The following NDUFAF6 variants were observed in gnomAD, a reference collection of about 807,000 sequenced individuals.
NDUFAF6 encodes the protein NADH:ubiquinone oxidoreductase complex assembly factor 6.
A neutral mutation model predicts 40.8 loss-of-function variants in NDUFAF6; 45 were observed. That is an observed-to-expected ratio of 1.10 (90% CI 0.87 to 1.42). NDUFAF6 has a LOEUF of 1.42. Among genes scored for constraint, NDUFAF6 ranks in the 40% most tolerant of loss-of-function variants. NDUFAF6 has a pLI of 0.00. For synonymous variants in NDUFAF6, 185 were observed against 155.9 expected, an observed-to-expected ratio of 1.19 and a Z score of -1.39; for missense variants, 435 against 418.5, an observed-to-expected ratio of 1.04 and a Z score of -0.34.
chr8:94,943,945 TG>T (rs1227591209), intron 1 of NDUFAF6, among the ~76,000 whole-genome samples: 2 of 152,102 alleles, frequency 1.3e-5, no homozygotes, highest in East Asian at 3.8e-4. Context: ...AGAAGAAAAG[TG>T]TAGTTTGTTT....
At chr8:95,011,468 G>A (rs951087019) in intron 2 of NDUFAF6, among the ~76,000 whole-genome samples, 3 of 152,174 alleles carry the variant, frequency 2.0e-5, no homozygotes, top group African/African-American at 4.8e-5. Flanking sequence ...CTTGCTTTAA[G>A]TGGCACTTTC....
chr8:95,050,486 C>G (rs1341058181), intron 7 of NDUFAF6, among the ~76,000 whole-genome samples: 1 of 152,204 alleles, frequency 6.6e-6, no homozygotes, highest in Non-Finnish European at 1.5e-5. Context: ...ATCATGTAAT[C>G]TTAACCTCTC....
chr8:94,941,495 T>G (rs1213576812), intron 1 of NDUFAF6, among the ~76,000 whole-genome samples: 1 of 152,212 alleles, frequency 6.6e-6, no homozygotes, highest in African/African-American at 2.4e-5. Flanking sequence ...TGCCAGGCCC[T>G]CATCCTCCTC....
chr8:94,905,696 T>C (rs1161303611), intron 1 of NDUFAF6, among the ~76,000 whole-genome samples: 1 of 152,208 alleles, frequency 6.6e-6, no homozygotes, highest in African/African-American at 2.4e-5. Flanking sequence ...CTTCCTCTCC[T>C]AGTGTTCTTG....
At chr8:94,919,306 C>T (rs972271601) in intron 1 of NDUFAF6, among the ~76,000 whole-genome samples, 12 of 152,114 alleles carry the variant, frequency 7.9e-5, no homozygotes, top group African/African-American at 2.2e-4. Context: ...CTCAGCCTCC[C>T]GAGTAGCTGG....
In NDUFAF6 at chr8:94,933,844, G is replaced by GGT. The variant is rs1426313180; in HGVS notation, c.-935-11638_-935-11637insTG. Among the ~76,000 whole-genome samples, 20 of 148,106 alleles carry GGT rather than the reference G, an allele frequency of 1.4e-4. 3 individuals are homozygous for GGT. Among genetic ancestry groups the GGT allele is most frequent in the South Asian group, 4.4e-4 (2 of 4,596 alleles). On this transcript the variant is annotated intron_variant, in intron 1 of 14. Transcript: ENST00000396113. ...AATCCCAGCACTTTGTGGGGGGGGG[G>GGT]GGAGGATCACGAGGTCAGGAGTTCA... is the stretch of plus-strand genomic sequence containing the variant.
intron 2 of NDUFAF6, among the ~76,000 whole-genome samples, chr8:95,082,629 CTTTTTGTT>C (rs1808907413): frequency 1.3e-5 from 2 of 151,654 alleles, no homozygotes; most frequent in Admixed American, 6.6e-5. Flanking sequence ...CCTTAGCATT[CTTTTTGTT>C]TGTTTGTTTG....
rs115625603 is a variant in NDUFAF6 at position 95,039,924 on chromosome 8, C to T, written c.421-1646C>T. Among the ~76,000 whole-genome samples the T allele has an allele frequency of 5.8e-3, 883 of 152,292 alleles. 4 individuals are homozygous for T. Among genetic ancestry groups the T allele is most frequent in the African/African-American group, 0.02 (825 of 41,540 alleles). On this transcript the variant is annotated intron_variant, in intron 3 of 8. Coordinates refer to ENST00000396124, the MANE Select transcript of NDUFAF6 (RefSeq NM_152416.4). Reference sequence around the variant, plus strand: ...GATTATAGGCGTGAGTCACTGTGCCCGGCCAGAACAGTTACTGGCTTTAGT... The same window carrying T: ...GATTATAGGCGTGAGTCACTGTGCCTGGCCAGAACAGTTACTGGCTTTAGT...
upstream of NDUFAF6, among the ~76,000 whole-genome samples, chr8:95,096,424 C>G (rs1032459467): frequency 6.6e-6 from 1 of 152,176 alleles, no homozygotes; most frequent in Non-Finnish European, 1.5e-5. Flanking sequence ...TCTGAAAGCA[C>G]CTTCGGGTTT....
At chr8:94,987,448 C>G (rs543378096) in intron 2 of NDUFAF6, among the ~76,000 whole-genome samples, 1 of 152,282 alleles carries the variant, frequency 6.6e-6, no homozygotes, top group South Asian at 2.1e-4. Context: ...GCTCCTTCCC[C>G]CAAAGAGGTC....
intron 1 of NDUFAF6, among the ~76,000 whole-genome samples, chr8:94,920,794 C>T (rs1317253512): frequency 2.0e-5 from 3 of 152,224 alleles, no homozygotes; most frequent in Admixed American, 6.5e-5. Context: ...ATGAGCATCC[C>T]GCAGCTGCCT....
intron 2 of NDUFAF6, among the ~76,000 whole-genome samples, chr8:94,984,764 C>T (rs1825697059): frequency 1.3e-5 from 2 of 152,242 alleles, no homozygotes; most frequent in South Asian, 4.2e-4. Flanking sequence ...ACTTCATGTA[C>T]ACGGATGGGA....
In NDUFAF6 at chr8:95,038,987, T is replaced by G. The variant is rs1429332101; in HGVS notation, c.421-2583T>G. Reference sequence around the variant, plus strand: ...CCTGGCCTATTTTTTGTGTTTGTTTTTTTTTTTGAGACAGGGTGTTGCTCT... The same window carrying G: ...CCTGGCCTATTTTTTGTGTTTGTTTGTTTTTTTGAGACAGGGTGTTGCTCT... On this transcript the variant is annotated intron_variant, in intron 3 of 8. Transcript: ENST00000396124. 2.0e-5 allele frequency among the ~76,000 whole-genome samples: 3 copies of G among 151,468 alleles called. No individual in the cohort carries two copies. The East Asian group carries it at 5.9e-4, about 30-fold the overall frequency.
rs560186696 is a variant in NDUFAF6, at chr8:95,041,637, A to G, written c.477+11A>G. The G allele has an allele frequency of 4.7e-5, 75 of 1,607,530 alleles. No individual in the cohort carries two copies. The highest frequency in any genetic ancestry group is 5.9e-5 in the Non-Finnish European group (69 of 1,174,236). ...ATCGTCGATGAAAGAGTGAGTCAAA[A>G]TTGTTCAAGTCTTAAGTTTTTTCTT... is the stretch of plus-strand genomic sequence containing the variant. On this transcript the variant is annotated intron_variant, in intron 4 of 8. Transcript: ENST00000396124.
intron 2 of NDUFAF6, among the ~76,000 whole-genome samples, chr8:95,081,386 T>C (rs1587250052): frequency 6.6e-6 from 1 of 151,866 alleles, no homozygotes; most frequent in African/African-American, 2.4e-5. Context: ...GCCAGGCTGG[T>C]CCCTAAGTCC....
intron 1 of NDUFAF6, among the ~76,000 whole-genome samples, chr8:94,959,075 AAG>A (rs34017741): frequency 0.51 from 76,730 of 151,714 alleles, 19,797 homozygotes; most frequent in East Asian, 0.72. Context: ...GGCTGCGGGA[AAG>A]AGGGGGTGAT....
chr8:94,907,539 A>G (rs1168196498), intron 1 of NDUFAF6, among the ~76,000 whole-genome samples: 1 of 152,216 alleles, frequency 6.6e-6, no homozygotes, highest in Non-Finnish European at 1.5e-5. Context: ...CCATAGCTGA[A>G]ACATAGCTGT....
intron 1 of NDUFAF6, among the ~76,000 whole-genome samples, chr8:94,907,119 A>G (rs888260673): frequency 2.0e-5 from 3 of 152,252 alleles, no homozygotes. Flanking sequence ...AGCACAAAAC[A>G]GTCTCACAAG....
chr8:94,911,875 G>T (rs1244117155), intron 1 of NDUFAF6, among the ~76,000 whole-genome samples: 1 of 152,238 alleles, frequency 6.6e-6, no homozygotes, highest in East Asian at 1.9e-4. Context: ...GAGCTGAGGG[G>T]TCTGTGGAAT....
Sources: gnomAD v4.1 joint callset for allele counts (sites outside exome capture counted in the v4.1 genomes callset) on GRCh38, gnomAD v4.1.1 for gene constraint, MANE v1.5 for transcripts, NCBI Gene and HGNC (gene_info 2026-07-23, HGNC 2026-07-21) for gene names.